TMPRSS15: variants seen among roughly 807,000 people sequenced by gnomAD.
TMPRSS15 encodes transmembrane serine protease 15, also known as enteropeptidase.
A neutral mutation model predicts 125.3 loss-of-function variants in TMPRSS15; 128 were observed. That is an observed-to-expected ratio of 1.02 (90% confidence interval 0.89 to 1.18). The LOEUF (loss-of-function observed/expected upper bound fraction) is 1.18. Ranked by LOEUF, TMPRSS15 falls within the 50% of genes most tolerant of loss-of-function variation. The probability of loss-of-function intolerance (pLI) is 0.00; values close to 1 mark genes in which losing one functional copy is unlikely to be tolerated. For synonymous variants in TMPRSS15, 446 were observed against 423.2 expected, an observed-to-expected ratio of 1.05 and a Z score of -0.66; for missense variants, 1,283 against 1,212.7, an observed-to-expected ratio of 1.06 and a Z score of -0.86.
chr21:18,444,442 A>G (rs1027593806), intron 1 of TMPRSS15, among the ~76,000 whole-genome samples: 2 of 151,966 alleles, frequency 1.3e-5, no homozygotes, highest in East Asian at 1.9e-4. Context: ...ATTAGAACAC[A>G]TGGACACAGG....
chr21:18,475,293 T>A (rs895939442), intron 1 of TMPRSS15, among the ~76,000 whole-genome samples: 7 of 152,116 alleles, frequency 4.6e-5, no homozygotes, highest in African/African-American at 7.2e-5. Flanking sequence ...GAATGTCAGA[T>A]GTAATGAAAC....
At chr21:18,298,160 T>C (rs1437783153) in intron 18 of TMPRSS15, among the ~76,000 whole-genome samples, 2 of 152,260 alleles carry the variant, frequency 1.3e-5, no homozygotes, top group Admixed American at 6.5e-5. Context: ...TTTTCTATGT[T>C]GTCAAATAGT....
Position 18,297,724 on chromosome 21 carries a change from A to G in TMPRSS15, c.2261+10T>C. 6.2e-7 allele frequency: 1 copy of G among 1,606,010 alleles called. No homozygotes were observed. Reference sequence around the variant, plus strand: ...GTACAACTAGTCTAAGAACAGATTTAGGGACCCACCTGGGTGTTAGTATTA... The same window carrying G: ...GTACAACTAGTCTAAGAACAGATTTGGGGACCCACCTGGGTGTTAGTATTA... On this transcript the variant is annotated intron_variant, in intron 19 of 24. Coordinates refer to ENST00000284885, the MANE Select transcript of TMPRSS15 (RefSeq NM_002772.3).
chr21:18,441,281 C>CAAACAAAACA (rs371605283), intron 1 of TMPRSS15, among the ~76,000 whole-genome samples: 3,764 of 149,244 alleles, frequency 0.025, 137 homozygotes, highest in African/African-American at 0.077. Context: ...AACTCCGTCT[C>CAAACAAAACA]AAACAAAACA....
chr21:18,441,329 G>A (rs956296981), intron 1 of TMPRSS15, among the ~76,000 whole-genome samples: 11 of 135,544 alleles, frequency 8.1e-5, no homozygotes, highest in Non-Finnish European at 1.3e-4. Flanking sequence ...CAAAGAGACC[G>A]GGCGTGGTGG....
At chr21:18,423,092 C>T (rs1450333942) in intron 1 of TMPRSS15, among the ~76,000 whole-genome samples, 1 of 152,162 alleles carries the variant, frequency 6.6e-6, no homozygotes, top group East Asian at 1.9e-4. Flanking sequence ...TTACTCAAGG[C>T]TAGATGTGGA....
chr21:18,371,721 G>C (rs1451776948), intron 6 of TMPRSS15, among the ~76,000 whole-genome samples: 1 of 151,998 alleles, frequency 6.6e-6, no homozygotes, highest in Non-Finnish European at 1.5e-5. Flanking sequence ...ATTTTAATAT[G>C]GTGCTCAGTG....
chr21:18,322,943 CGA>C, intron 16 of TMPRSS15, among the ~76,000 whole-genome samples: 1 of 152,132 alleles, frequency 6.6e-6, no homozygotes, highest in South Asian at 2.1e-4. Flanking sequence ...TTCCCAGATT[CGA>C]TGATTATAAA....
chr21:18,305,484 G>A (rs918729108), intron 18 of TMPRSS15, among the ~76,000 whole-genome samples: 2 of 152,098 alleles, frequency 1.3e-5, no homozygotes, highest in African/African-American at 2.4e-5. Context: ...CACCACGCCC[G>A]GCCCCTTGAA....
At chr21:18,322,103 T>C (rs1054599777) in intron 16 of TMPRSS15, among the ~76,000 whole-genome samples, 1 of 152,158 alleles carries the variant, frequency 6.6e-6, no homozygotes, top group Non-Finnish European at 1.5e-5. Context: ...TTGAGAGAAA[T>C]ACATTGTACT....
At chr21:18,312,649 A>G (rs1243150683) in intron 18 of TMPRSS15, among the ~76,000 whole-genome samples, 1 of 151,832 alleles carries the variant, frequency 6.6e-6, no homozygotes, top group Non-Finnish European at 1.5e-5. Context: ...TCATTAAAAA[A>G]TCATCAAAAA....
intron 12 of TMPRSS15, among the ~76,000 whole-genome samples, chr21:18,342,469 A>C (rs1440206080): frequency 6.6e-6 from 1 of 152,248 alleles, no homozygotes; most frequent in Non-Finnish European, 1.5e-5. Flanking sequence ...GCAAAGCCAA[A>C]GTGCACGTAT....
intron 21 of TMPRSS15, among the ~76,000 whole-genome samples, chr21:18,288,127 A>G (rs2074787598): frequency 6.6e-6 from 1 of 152,220 alleles, no homozygotes; most frequent in Non-Finnish European, 1.5e-5. Context: ...TGTGGTATAT[A>G]TATGCAATGA....
At chr21:18,433,663 CAA>C (rs58432155) in intron 1 of TMPRSS15, among the ~76,000 whole-genome samples, 5 of 62,446 alleles carry the variant, frequency 8.0e-5, no homozygotes, top group African/African-American at 1.9e-4. Context: ...GACCTTGTCT[CAA>C]AAAAAAAAAA....
At chr21:18,272,253 C>T (rs1187452056) in intron 24 of TMPRSS15, among the ~76,000 whole-genome samples, 2 of 152,148 alleles carry the variant, frequency 1.3e-5, no homozygotes, top group Non-Finnish European at 2.9e-5. Context: ...TTAATAATCG[C>T]CATTCTGACT....
At chr21:18,424,549 T>A (rs369865166) in intron 1 of TMPRSS15, among the ~76,000 whole-genome samples, 2 of 152,364 alleles carry the variant, frequency 1.3e-5, no homozygotes, top group Non-Finnish European at 1.5e-5. Context: ...AAAGCCATCA[T>A]GTTGTTTTGC....
At chr21:18,383,818 A>G (rs1234646121) in intron 3 of TMPRSS15, 40 bp from the exon 4 acceptor site, 4 of 1,601,530 alleles carry the variant, frequency 2.5e-6, no homozygotes, top group Non-Finnish European at 3.4e-6. Context: ...AAAGTCAGCC[A>G]TCTTCCACTG....
intron 6 of TMPRSS15, among the ~76,000 whole-genome samples, chr21:18,365,769 G>GTT (rs2075730618): frequency 1.7e-5 from 2 of 117,056 alleles, no homozygotes; most frequent in African/African-American, 6.6e-5. Context: ...TTGAGACAGA[G>GTT]TTTCGCTCTT....
At chr21:18,272,220 A>G (rs1335161709) in intron 24 of TMPRSS15, among the ~76,000 whole-genome samples, 1 of 152,152 alleles carries the variant, frequency 6.6e-6, no homozygotes, top group Non-Finnish European at 1.5e-5. Flanking sequence ...CAACCTTGCC[A>G]GCATCTATTG....
Sources: gnomAD v4.1 joint callset for allele counts (sites outside exome capture counted in the v4.1 genomes callset) on GRCh38, gnomAD v4.1.1 for gene constraint, MANE v1.5 for transcripts, NCBI Gene and HGNC (gene_info 2026-07-23, HGNC 2026-07-21) for gene names.